The following MCTP1 variants were observed in gnomAD, a reference collection of about 807,000 sequenced individuals.
MCTP1 encodes the protein multiple C2 and transmembrane domain-containing protein 1.
MCTP1 carries 69 observed loss-of-function variants against 120.6 expected under a neutral mutation model. The observed-to-expected ratio is 0.57, with a 90% CI of 0.47 to 0.70. The LOEUF is 0.70. Ranked by LOEUF, MCTP1 falls within the 30% of genes least tolerant of loss-of-function variation. MCTP1 has a pLI of 0.00. For synonymous variants in MCTP1, 529 were observed against 493.1 expected (o/e 1.07, Z -0.96); for missense variants, 1,203 against 1,248.8 (o/e 0.96, Z 0.55).
chr5:94,932,089 C>G (rs1814832453), intron 5 of MCTP1, 98 bp from the exon 6 acceptor site: 3 of 784,794 alleles, frequency 3.8e-6, no homozygotes, highest in African/African-American at 1.7e-5. Flanking sequence ...GCCCTTGAAA[C>G]AGCGAACAGT....
intron 1 of MCTP1, among the ~76,000 whole-genome samples, chr5:95,087,917 G>A (rs1755554776): frequency 6.6e-6 from 1 of 152,170 alleles, no homozygotes; most frequent in Non-Finnish European, 1.5e-5. Flanking sequence ...GAGCAACTCA[G>A]CAGCTAGGTC....
chr5:95,237,205 T>G (rs941949308), intron 1 of MCTP1, among the ~76,000 whole-genome samples: 1 of 152,088 alleles, frequency 6.6e-6, no homozygotes, highest in Non-Finnish European at 1.5e-5. Flanking sequence ...ATAGACAGTC[T>G]GGAGGATGTA....
chr5:94,904,271 G>T (rs1173759638), intron 10 of MCTP1, among the ~76,000 whole-genome samples: 1 of 152,110 alleles, frequency 6.6e-6, no homozygotes, highest in Non-Finnish European at 1.5e-5. Flanking sequence ...GATTGATCTG[G>T]ATTTGAGCCT....
intron 1 of MCTP1, among the ~76,000 whole-genome samples, chr5:95,243,290 T>A (rs1269201781): frequency 6.6e-6 from 1 of 152,176 alleles, no homozygotes; most frequent in Non-Finnish European, 1.5e-5. Context: ...ATGGCATACA[T>A]CTGTGGTTTT....
chr5:94,904,901 C>T (rs1413365886), intron 10 of MCTP1, among the ~76,000 whole-genome samples: 2 of 152,206 alleles, frequency 1.3e-5, no homozygotes, highest in Non-Finnish European at 2.9e-5. Flanking sequence ...CAAAAAATCC[C>T]TGCCCTCGTG....
At chr5:95,152,550 G>A (rs1744651384) in intron 1 of MCTP1, among the ~76,000 whole-genome samples, 1 of 152,188 alleles carries the variant, frequency 6.6e-6, no homozygotes, top group South Asian at 2.1e-4. Flanking sequence ...ACTGGATTAA[G>A]TTTGGACCCA....
chr5:94,857,166 A>G (rs1224630483), intron 17 of MCTP1, among the ~76,000 whole-genome samples: 1 of 151,686 alleles, frequency 6.6e-6, no homozygotes, highest in Non-Finnish European at 1.5e-5. Flanking sequence ...TTCTCTTACA[A>G]TAGTATAGCT....
chr5:95,127,672 G>C (rs551447779), intron 1 of MCTP1, among the ~76,000 whole-genome samples: 2 of 152,242 alleles, frequency 1.3e-5, no homozygotes, highest in African/African-American at 4.8e-5. Flanking sequence ...GGGGAAGGAA[G>C]CTCCTGAAAC....
chr5:94,901,297 C>T (rs1039160212), intron 10 of MCTP1, among the ~76,000 whole-genome samples: 2 of 152,122 alleles, frequency 1.3e-5, no homozygotes, highest in African/African-American at 4.8e-5. Flanking sequence ...CACAAGCACA[C>T]CATGGGAAAG....
intron 17 of MCTP1, among the ~76,000 whole-genome samples, chr5:94,839,307 G>A (rs549333467): frequency 5.7e-4 from 87 of 152,248 alleles, no homozygotes; most frequent in Non-Finnish European, 9.0e-4. Context: ...CTGTAGCCAT[G>A]TGCTTATGTA....
chr5:95,023,513 C>T (rs1000787863), intron 1 of MCTP1, among the ~76,000 whole-genome samples: 1 of 152,152 alleles, frequency 6.6e-6, no homozygotes, highest in Admixed American at 6.5e-5. Flanking sequence ...GATGGTGACA[C>T]CCACGGTAGA....
At chr5:95,137,342 T>C (rs1759522838) in intron 1 of MCTP1, among the ~76,000 whole-genome samples, 1 of 152,234 alleles carries the variant, frequency 6.6e-6, no homozygotes, top group Non-Finnish European at 1.5e-5. Flanking sequence ...TTGTCGTCAA[T>C]AACACGATAG....
chr5:95,171,745 T>C (rs1399892829), intron 1 of MCTP1, among the ~76,000 whole-genome samples: 3 of 150,876 alleles, frequency 2.0e-5, no homozygotes, highest in African/African-American at 7.2e-5. Context: ...TCTCATGCCA[T>C]GGTTTTCAGC....
intron 1 of MCTP1, among the ~76,000 whole-genome samples, chr5:95,257,733 T>A (rs2077369144): frequency 6.6e-6 from 1 of 150,998 alleles, no homozygotes; most frequent in Non-Finnish European, 1.5e-5. Context: ...GCAGGAAATA[T>A]ATAAGAAGAG....
intron 17 of MCTP1, among the ~76,000 whole-genome samples, chr5:94,845,366 TA>T (rs1792094071): frequency 1.3e-5 from 2 of 152,236 alleles, no homozygotes; most frequent in Admixed American, 1.3e-4. Context: ...ACTTATTCAC[TA>T]TCACGAGGAC....
At chr5:94,790,374 A>C (rs1008864175) in intron 18 of MCTP1, among the ~76,000 whole-genome samples, 20 of 152,358 alleles carry the variant, frequency 1.3e-4, no homozygotes, top group Middle Eastern at 3.4e-3. Flanking sequence ...GACCCACCAG[A>C]CTATGCCTTT....
chr5:94,724,036 G>A (rs1254020371), intron 19 of MCTP1, among the ~76,000 whole-genome samples: 1 of 152,142 alleles, frequency 6.6e-6, no homozygotes, highest in Non-Finnish European at 1.5e-5. Flanking sequence ...GAAGGAAAAT[G>A]TCTCTGGTCA....
At chr5:95,224,280 T>C (rs771662524) in intron 1 of MCTP1, among the ~76,000 whole-genome samples, 18 of 152,184 alleles carry the variant, frequency 1.2e-4, no homozygotes, top group Admixed American at 7.2e-4. Context: ...GAATTAGTCT[T>C]CTACACACCT....
chr5:95,232,408 G>A (rs1293813004), intron 1 of MCTP1, among the ~76,000 whole-genome samples: 10 of 151,232 alleles, frequency 6.6e-5, no homozygotes, highest in Non-Finnish European at 1.5e-5. Context: ...GTCAGATTGG[G>A]TAAAATAAAA....
Sources: allele counts gnomAD v4.1 joint callset (sites outside exome capture counted in the v4.1 genomes callset), GRCh38; gene constraint gnomAD v4.1.1; transcripts MANE v1.5; gene names NCBI Gene and HGNC (gene_info 2026-07-23, HGNC 2026-07-21).